PRKCA: variants seen among roughly 807,000 people sequenced by gnomAD.
PRKCA encodes protein kinase C alpha type.
Under a neutral mutation model 87.0 loss-of-function variants are expected in PRKCA, and 27 were observed. That is an observed-to-expected ratio of 0.31 (90% CI 0.23 to 0.43). The LOEUF is 0.43. Among genes scored for constraint, PRKCA ranks in the 20% least tolerant of loss-of-function variants. PRKCA has a pLI of 1.00. For synonymous variants in PRKCA, 329 were observed against 311.1 expected, an observed-to-expected ratio of 1.06 and a Z score of -0.61; for missense variants, 518 against 852.3, an observed-to-expected ratio of 0.61 and a Z score of 4.88.
chr17:66,461,916 T>C (rs1914872369), intron 2 of PRKCA, among the ~76,000 whole-genome samples: 1 of 151,838 alleles, frequency 6.6e-6, no homozygotes, highest in Non-Finnish European at 1.5e-5. Context: ...AGACTGGGGT[T>C]CCTAACTACC....
intron 3 of PRKCA, among the ~76,000 whole-genome samples, chr17:66,520,990 TGAG>T (rs2144219534): frequency 6.6e-6 from 1 of 152,296 alleles, no homozygotes; most frequent in South Asian, 2.1e-4. Context: ...CACTGGCAAA[TGAG>T]GAGGCAGGAG....
intron 3 of PRKCA, among the ~76,000 whole-genome samples, chr17:66,506,679 G>C (rs933887702): frequency 1.3e-5 from 2 of 152,142 alleles, no homozygotes; most frequent in South Asian, 2.1e-4. Context: ...CTGGGGGTGT[G>C]GGGGAACACA....
intron 5 of PRKCA, among the ~76,000 whole-genome samples, chr17:66,661,111 C>A (rs1340240177): frequency 6.6e-6 from 1 of 152,166 alleles, no homozygotes; most frequent in South Asian, 2.1e-4. Flanking sequence ...TTCTTTTCCA[C>A]AACACGTTAG....
intron 3 of PRKCA, among the ~76,000 whole-genome samples, chr17:66,618,346 C>T (rs1475033123): frequency 9.3e-6 from 1 of 107,430 alleles, no homozygotes; most frequent in Admixed American, 1.1e-4. Context: ...TGAGTGAAAC[C>T]CTATCGCAAA....
At chr17:66,604,271 CAGGG>C (rs913055278) in intron 3 of PRKCA, among the ~76,000 whole-genome samples, 2 of 151,702 alleles carry the variant, frequency 1.3e-5, no homozygotes, top group African/African-American at 4.8e-5. Flanking sequence ...GCCTGGGAAA[CAGGG>C]AGGGTTCCTG....
rs750987304 is a variant in PRKCA, at chr17:66,788,842, A to C, written c.1717A>C (p.Met573Leu). 4.3e-6 allele frequency: 7 copies of C among 1,610,964 alleles called. No homozygotes were observed. The highest frequency in any genetic ancestry group is 5.1e-6 in the Non-Finnish European group (6 of 1,179,318). Reference sequence around the variant, plus strand: ...CTTTTCTCCTTTTCCTTTCTAGCTGATGACCAAACACCCAGCCAAGCGGCT... The same window carrying C: ...CTTTTCTCCTTTTCCTTTCTAGCTGCTGACCAAACACCCAGCCAAGCGGCT... ...KEAVSVCKGLMTKHPAKRLGC... is the reference protein window; with the variant it reads ...KEAVSVCKGLLTKHPAKRLGC... The change falls in exon 16 of 17, where the codon ATG becomes CTG. Residue 573 changes from methionine to leucine, a missense_variant. Met to Leu is a conservative substitution (Grantham distance 15, BLOSUM62 2). Around this residue, in one of 5 missense-constraint regions of PRKCA, gnomAD observed 159 missense variants for 232.4 expected, o/e 0.68. Transcript: ENST00000413366.
At chr17:66,672,111 A>G (rs561738022) in intron 5 of PRKCA, among the ~76,000 whole-genome samples, 1 of 152,356 alleles carries the variant, frequency 6.6e-6, no homozygotes, top group African/African-American at 2.4e-5. Context: ...CCTAAAAGAA[A>G]TGGAAAAAAT....
intron 15 of PRKCA, chr17:66,787,183 C>A (rs1459436396): frequency 2.7e-6 from 2 of 753,494 alleles, no homozygotes; most frequent in Admixed American, 3.5e-5. Context: ...CTGTTTTGAA[C>A]TCTGCACAAA....
In PRKCA at chr17:66,689,064, G is replaced by T; in HGVS notation, c.918+17G>T. 4 of 1,519,420 alleles carry T rather than the reference G, an allele frequency of 2.6e-6. No homozygotes were observed. The highest frequency in any genetic ancestry group is 2.4e-5 in the South Asian group (2 of 82,894). The allele number at this position is 1,519,420 out of a possible 1,614,324, so 94.1% of individuals were successfully genotyped here. On this transcript the variant is annotated intron_variant, in intron 8 of 16. Transcript: ENST00000413366. The surrounding 1 kb of genome is among the most constrained non-coding windows in gnomAD (Gnocchi z 4.1). ...AAATTCGAGGTGAGGATAACAAAAT[G>T]CCCGGAAACACCTTTCCTTTAGAAA...
chr17:66,302,926 G>C lies in PRKCA; in HGVS notation c.75G>C (p.Ala25=). 1 of 1,612,468 alleles carries C rather than the reference G, an allele frequency of 6.2e-7. No individual in the cohort carries two copies. The highest frequency in any genetic ancestry group is 8.5e-7 in the Non-Finnish European group (1 of 1,179,218). The part of the protein sequence containing the change: ...DVANRFARKG[A]LRQKNVHEVK... ...CCAACCGCTTCGCCCGCAAAGGGGCGCTGAGGCAGAAGAACGTGCACGAGG... is the reference window on the plus strand; with the variant it reads ...CCAACCGCTTCGCCCGCAAAGGGGCCCTGAGGCAGAAGAACGTGCACGAGG... The change falls in exon 1 of 17, where the codon GCG becomes GCC. Residue 25 remains alanine (A), a synonymous_variant. Coordinates refer to ENST00000413366, the MANE Select transcript of PRKCA (RefSeq NM_002737.3).
intron 3 of PRKCA, among the ~76,000 whole-genome samples, chr17:66,528,142 C>T (rs1036914948): frequency 4.1e-5 from 6 of 146,684 alleles, no homozygotes; most frequent in South Asian, 2.2e-4. Flanking sequence ...TGCTTGAACC[C>T]GGGAGGCAGA....
chr17:66,482,908 A>G (rs1351008945), intron 2 of PRKCA, among the ~76,000 whole-genome samples: 1 of 152,122 alleles, frequency 6.6e-6, no homozygotes, highest in African/African-American at 2.4e-5. Flanking sequence ...TAACTTTTTC[A>G]CTTATGCTCA....
rs1975574536 is a variant in PRKCA, at chr17:66,792,866, G to A, written c.1854+3887G>A. Among the ~76,000 whole-genome samples, 1 of 152,206 alleles carries A rather than the reference G, an allele frequency of 6.6e-6. No homozygotes were observed. ...ATCTCTCCTGGCAGTGGCAAGCCTG[G>A]AGGCTGAGATGTGAGGGAAGAACCT... On this transcript the variant is annotated intron_variant, in intron 16 of 16. Transcript: ENST00000413366. The surrounding 1 kb of genome is among the most constrained non-coding windows in gnomAD (Gnocchi z 4.5).
intron 2 of PRKCA, among the ~76,000 whole-genome samples, chr17:66,359,489 G>C (rs1308794179): frequency 1.3e-5 from 2 of 152,188 alleles, no homozygotes; most frequent in Admixed American, 6.5e-5. Flanking sequence ...GCATTGAGCA[G>C]ATTAAGGCCT....
chr17:66,493,551 T>A (rs369399818), intron 2 of PRKCA, among the ~76,000 whole-genome samples: 19 of 152,138 alleles, frequency 1.2e-4, no homozygotes, highest in African/African-American at 4.1e-4. Context: ...CATCTATCCA[T>A]CTGTCTGTCC....
At chr17:66,802,041 T>C (rs1975913764) in intron 16 of PRKCA, among the ~76,000 whole-genome samples, 1 of 152,086 alleles carries the variant, frequency 6.6e-6, no homozygotes, top group Admixed American at 6.6e-5. Context: ...AGCAACATGG[T>C]GAAACCCTGT....
chr17:66,777,095 A>T (rs544347137), intron 14 of PRKCA: 1 of 415,128 alleles, frequency 2.4e-6, no homozygotes, highest in East Asian at 1.6e-4. Flanking sequence ...ACCAATTATT[A>T]TTTTACAGAG....
intron 2 of PRKCA, among the ~76,000 whole-genome samples, chr17:66,461,870 C>T (rs3896085): frequency 0.25 from 30,793 of 124,590 alleles, 3,862 homozygotes; most frequent in Non-Finnish European, 0.31. Context: ...TCCTAACTAT[C>T]GAGGAGGAGA....
chr17:66,368,298 A>ATGTG (rs931055675), intron 2 of PRKCA, among the ~76,000 whole-genome samples: 9 of 141,338 alleles, frequency 6.4e-5, no homozygotes, highest in African/African-American at 2.2e-4. Context: ...ACACACATAT[A>ATGTG]TGTGTGTGTG....
Sources: allele counts gnomAD v4.1 joint callset (sites outside exome capture counted in the v4.1 genomes callset), GRCh38; gene constraint gnomAD v4.1.1; regional missense constraint gnomAD v4.1.1; non-coding constraint Gnocchi (gnomAD v3.1); transcripts MANE v1.5; gene names NCBI Gene and HGNC (gene_info 2026-07-23, HGNC 2026-07-21).